Variants in RBBP8NL observed in about 807,000 individuals in gnomAD.
RBBP8NL encodes RBBP8 N-terminal-like protein.
A neutral mutation model predicts 62.2 loss-of-function variants in RBBP8NL; 59 were observed. That is an observed-to-expected ratio of 0.95 (90% CI 0.77 to 1.18). The LOEUF (loss-of-function observed/expected upper bound fraction) is 1.18, where lower values mean the gene tolerates loss of function less well. RBBP8NL is among the 50% of genes most tolerant of loss of function. The probability of loss-of-function intolerance (pLI) is 0.00; values close to 1 mark genes in which losing one functional copy is unlikely to be tolerated. For synonymous variants in RBBP8NL, 412 were observed against 394.1 expected (o/e 1.05, Z -0.54); for missense variants, 896 against 899.5 (o/e 1.00, Z 0.05).
chr20:62,417,607 G>A (rs1447793410), intron 3 of RBBP8NL, among the ~76,000 whole-genome samples: 1 of 93,418 alleles, frequency 1.1e-5, no homozygotes, highest in African/African-American at 4.8e-5. Context: ...TTCCGTCCAC[G>A]CACCACCCCC....
At chr20:62,421,829 A>G (rs1988707157) in intron 1 of RBBP8NL, among the ~76,000 whole-genome samples, 1 of 138,836 alleles carries the variant, frequency 7.2e-6, no homozygotes, top group Admixed American at 7.2e-5. Context: ...CTGTGTGTGC[A>G]CACCCGAGCC....
At position 62,414,274 on chromosome 20, in the gene RBBP8NL, C is replaced by T. The variant is rs1190996643; in HGVS notation, c.1077G>A (p.Leu359=). The T allele has an allele frequency of 1.9e-6, 3 of 1,584,932 alleles. No homozygotes were observed. Among genetic ancestry groups the T allele is most frequent in the Admixed American group, 1.8e-5 (1 of 56,008 alleles). ...LRLEGALHLL[L]AQQQLRARAR... is the part of the protein sequence containing the mutation. ...CCCTAGCCCGCAGCTGCTGCTGGGC[C>T]AGGAGCAGGTGCAGTGCCCCCTCCA... Residue 359 remains leucine, a synonymous_variant, in exon 10 of 14, where the codon CTG becomes CTA. Transcript: ENST00000252998.
rs376077214 is a variant in RBBP8NL at position 62,410,877 on chromosome 20, G to T, written c.*1C>A. ...TCGCTGTGGACCCTGGTGCAGGCTG[G>T]CTAGGTCTCCTCCCAGGGGCTGCTG... On this transcript the variant is annotated 3_prime_UTR_variant, in exon 14 of 14. Coordinates refer to ENST00000252998, the MANE Select transcript of RBBP8NL (RefSeq NM_080833.3). 14 of 1,604,388 alleles carry T rather than the reference G, an allele frequency of 8.7e-6. No individual in the cohort carries two copies. In the African/African-American group the frequency reaches 1.2e-4, roughly 14 times the overall value.
intron 2 of RBBP8NL, among the ~76,000 whole-genome samples, chr20:62,419,293 A>G (rs916313230): frequency 6.6e-6 from 1 of 152,176 alleles, no homozygotes; most frequent in Non-Finnish European, 1.5e-5. Context: ...GCAGGTGGCC[A>G]TGAGGTGTTG....
rs1187675398 is a variant in RBBP8NL, at chr20:62,418,431, C to T, written c.96G>A (p.Glu32=). Residue 32 remains glutamate, a synonymous_variant, in exon 3 of 14, where the codon GAG becomes GAA. Transcript: ENST00000252998. ...LQNKLLELNS[E]RCRDAQRIEE... is the part of the protein sequence containing the mutation. ...TGCTTGGCCTGACTCACCGGCACCT[C>T]TCTGAGTTCAGTTCCAGAAGCTTGT... 4 of 1,550,294 alleles carry T rather than the reference C, an allele frequency of 2.6e-6. No homozygotes were observed. Among genetic ancestry groups the T allele is most frequent in the Non-Finnish European group, 2.6e-6 (3 of 1,146,948 alleles).
At chr20:62,416,333 C>T (rs1412336663) in intron 5 of RBBP8NL, 97 bp from the exon 6 acceptor site, 3 of 1,120,346 alleles carry the variant, frequency 2.7e-6, no homozygotes, top group South Asian at 1.3e-5. Flanking sequence ...TCAGCAGTGC[C>T]CCCAGCACGT....
chr20:62,421,883 CTG>C (rs571828747), intron 1 of RBBP8NL, among the ~76,000 whole-genome samples: 133 of 148,864 alleles, frequency 8.9e-4, no homozygotes, highest in African/African-American at 3.1e-3. Context: ...TGTTTTTGCT[CTG>C]TGTGTGCGTG....
intron 9 of RBBP8NL, 119 bp downstream of exon 9, chr20:62,415,002 A>G (rs1988528751): frequency 1.2e-5 from 14 of 1,167,928 alleles, no homozygotes; most frequent in Non-Finnish European, 1.6e-5. Flanking sequence ...TGCCCAGAAA[A>G]AGCCAAGCCA....
chr20:62,417,711 C>T (rs1386073580), intron 3 of RBBP8NL, among the ~76,000 whole-genome samples: 4 of 90,772 alleles, frequency 4.4e-5, no homozygotes, highest in South Asian at 9.8e-4. Flanking sequence ...GTCCTGTCCA[C>T]GCAACGCCCC....
chr20:62,421,870 ATC>A (rs1168301668), intron 1 of RBBP8NL, among the ~76,000 whole-genome samples: 2 of 147,428 alleles, frequency 1.4e-5, no homozygotes, highest in East Asian at 2.1e-4. Flanking sequence ...ATGTGTGTGC[ATC>A]TGTTTTTGCT....
At chr20:62,425,093 C>T (rs1988778630) in intron 1 of RBBP8NL, among the ~76,000 whole-genome samples, 1 of 152,214 alleles carries the variant, frequency 6.6e-6, no homozygotes, top group African/African-American at 2.4e-5. Context: ...GGGGTGACAG[C>T]ACCCCTGCCC....
At chr20:62,426,015 AGCGGCAGTG>A (rs1569028976) in intron 1 of RBBP8NL, among the ~76,000 whole-genome samples, 10 of 58,426 alleles carry the variant, frequency 1.7e-4, no homozygotes, top group African/African-American at 9.7e-4. Flanking sequence ...TGGCAGTGGC[AGCGGCAGTG>A]GCATTAGCAG....
At chr20:62,412,789 C>G in intron 12 of RBBP8NL, 36 bp from the exon 13 acceptor site, 1 of 1,613,068 alleles carries the variant, frequency 6.2e-7, no homozygotes, top group Non-Finnish European at 8.5e-7. Context: ...AGGAGGACTG[C>G]CTCCTGGCCC....
intron 1 of RBBP8NL, among the ~76,000 whole-genome samples, chr20:62,426,746 C>T (rs1166928187): frequency 6.6e-6 from 1 of 152,250 alleles, no homozygotes; most frequent in African/African-American, 2.4e-5. Flanking sequence ...GACAGCTGCA[C>T]ACGCATGTTG....
At chr20:62,420,396 A>G (rs1988674579) in intron 1 of RBBP8NL, among the ~76,000 whole-genome samples, 2 of 150,642 alleles carry the variant, frequency 1.3e-5, no homozygotes, top group Non-Finnish European at 3.0e-5. Flanking sequence ...ACACACACAG[A>G]TAGCATGTGC....
intron 1 of RBBP8NL, among the ~76,000 whole-genome samples, chr20:62,423,867 C>T (rs1021523062): frequency 1.2e-4 from 19 of 152,286 alleles, no homozygotes; most frequent in Middle Eastern, 3.4e-3. Context: ...CACCCAGACC[C>T]GCACCCGCAG....
rs1408577019 is a variant in RBBP8NL at position 62,416,763 on chromosome 20, G to A, written c.310C>T (p.Leu104Phe). The change falls in exon 5 of 14, where the codon CTC becomes TTC. Residue 104 changes from leucine to phenylalanine, a missense_variant. By Grantham distance (22) the Leu-to-Phe change is conservative. Coordinates refer to ENST00000252998, the MANE Select transcript of RBBP8NL (RefSeq NM_080833.3). ...HLQNLQRIFI[L>F]TNEMNGLKEE... ...TTGTCTGGTGGGTGGGGCTCACTGA[G>A]GATGAAGATGCGCTGCAGGTTCTGC... The A allele has an allele frequency of 4.4e-6, 7 of 1,579,318 alleles. No homozygotes were observed. The highest frequency in any genetic ancestry group is 6.0e-6 in the Non-Finnish European group (7 of 1,160,882).
Position 62,410,841 on chromosome 20 carries a change from C to A in RBBP8NL, c.*37G>T. ...CAGGCCCTGGTGGGCAGGTGGAGGG[C>A]TGCCCCGGGCTCGCTGTGGACCCTG... is the stretch of plus-strand genomic sequence containing the variant. On this transcript the variant is annotated 3_prime_UTR_variant, in exon 14 of 14. Coordinates refer to ENST00000252998, the MANE Select transcript of RBBP8NL (RefSeq NM_080833.3). 6.9e-7 allele frequency: 1 copy of A among 1,448,210 alleles called. No homozygotes were observed. 89.7% of individuals were successfully genotyped at this position (1,448,210 alleles called of 1,614,324 possible).
rs1237813743 is a variant in RBBP8NL at position 62,410,819 on chromosome 20, G to A, written c.*59C>T. On this transcript the variant is annotated 3_prime_UTR_variant, in exon 14 of 14. Transcript: ENST00000252998. The stretch of plus-strand genomic sequence containing the variant: ...TGGTTGGATGGTGTGCCCTCTCCAG[G>A]CCCTGGTGGGCAGGTGGAGGGCTGC... The A allele has an allele frequency of 2.5e-6, 3 of 1,185,506 alleles. No individual in the cohort carries two copies. Among genetic ancestry groups the A allele is most frequent in the East Asian group, 2.3e-5 (1 of 42,932 alleles). 73.4% of individuals were successfully genotyped at this position (1,185,506 alleles called of 1,614,324 possible).
Sources: gnomAD v4.1 joint callset for allele counts (sites outside exome capture counted in the v4.1 genomes callset) on GRCh38, gnomAD v4.1.1 for gene constraint, MANE v1.5 for transcripts, NCBI Gene and HGNC (gene_info 2026-07-23, HGNC 2026-07-21) for gene names.